Variants in GNA12 observed in about 807,000 individuals in gnomAD.
GNA12 encodes G protein subunit alpha 12, also known as guanine nucleotide-binding protein subunit alpha-12.
A neutral mutation model predicts 26.0 loss-of-function variants in GNA12; 9 were observed. The ratio of observed to expected loss-of-function variants is 0.35; its 90% confidence interval spans 0.21 to 0.60. The LOEUF is 0.60. GNA12 is among the 20% of genes least tolerant of loss of function. The pLI is 0.78. For missense variants in GNA12, 405 were observed against 525.8 expected (o/e 0.77, Z 2.25); for synonymous variants, 264 against 219.6 (o/e 1.20, Z -1.79).
chr7:2,809,464 T>A (rs1212652866), intron 1 of GNA12, among the ~76,000 whole-genome samples: 1 of 152,218 alleles, frequency 6.6e-6, no homozygotes, highest in Non-Finnish European at 1.5e-5. Flanking sequence ...TTCCACCCTA[T>A]GATGACTCAT....
At chr7:2,771,161 G>A (rs1419082557) in intron 2 of GNA12, among the ~76,000 whole-genome samples, 1 of 151,978 alleles carries the variant, frequency 6.6e-6, no homozygotes. Flanking sequence ...TGAGGTGGCA[G>A]GCACCTATAA....
intron 2 of GNA12, among the ~76,000 whole-genome samples, chr7:2,782,661 T>C (rs1792259257): frequency 1.3e-5 from 2 of 152,150 alleles, no homozygotes; most frequent in Admixed American, 1.3e-4. Context: ...GTTTTGGTTT[T>C]TTTTTTTTAA....
chr7:2,825,626 C>A (rs1005624106), intron 1 of GNA12, among the ~76,000 whole-genome samples: 7 of 152,170 alleles, frequency 4.6e-5, no homozygotes, highest in African/African-American at 1.7e-4. Flanking sequence ...GAGAAGGTAT[C>A]GAGCTGATGG....
intron 1 of GNA12, 131 bp from the exon 2 acceptor site, chr7:2,795,274 C>G (rs983326228): frequency 1.4e-6 from 1 of 694,936 alleles, no homozygotes; most frequent in African/African-American, 1.8e-5. Flanking sequence ...CAGCCTGAGT[C>G]TGTCTCTTGG....
At chr7:2,786,196 T>A (rs957316251) in intron 2 of GNA12, among the ~76,000 whole-genome samples, 1 of 152,222 alleles carries the variant, frequency 6.6e-6, no homozygotes, top group Non-Finnish European at 1.5e-5. Context: ...CCAATGCCAG[T>A]CTCCTGGTTT....
At chr7:2,799,349 G>A (rs1423203855) in intron 1 of GNA12, among the ~76,000 whole-genome samples, 3 of 152,182 alleles carry the variant, frequency 2.0e-5, no homozygotes, top group African/African-American at 7.2e-5. Context: ...TGAGGCTGAG[G>A]GGAGAGGATC....
intron 2 of GNA12, among the ~76,000 whole-genome samples, chr7:2,747,957 G>A (rs922393886): frequency 2.0e-4 from 30 of 151,550 alleles, no homozygotes; most frequent in Admixed American, 5.3e-4. Flanking sequence ...TACAAGGGAT[G>A]TGAAGGACCT....
At chr7:2,818,406 G>A (rs1395370010) in intron 1 of GNA12, among the ~76,000 whole-genome samples, 5 of 152,094 alleles carry the variant, frequency 3.3e-5, no homozygotes, top group Admixed American at 1.3e-4. Flanking sequence ...TCTCTCCAAC[G>A]GAGAACCACT....
At chr7:2,758,582 G>A (rs1791409795) in intron 2 of GNA12, among the ~76,000 whole-genome samples, 1 of 152,164 alleles carries the variant, frequency 6.6e-6, no homozygotes, top group Non-Finnish European at 1.5e-5. Context: ...TGATCTTGGT[G>A]GGCCTGATCT....
intron 1 of GNA12, among the ~76,000 whole-genome samples, chr7:2,843,278 G>A (rs1030300167): frequency 6.6e-5 from 10 of 152,104 alleles, no homozygotes; most frequent in African/African-American, 2.4e-4. Context: ...GGGGCTAAGT[G>A]CCAAGCCCCC....
At chr7:2,761,304 A>C (rs917158773) in intron 2 of GNA12, among the ~76,000 whole-genome samples, 3 of 152,190 alleles carry the variant, frequency 2.0e-5, no homozygotes, top group Admixed American at 2.0e-4. Context: ...CCACCACCCC[A>C]TGCTCACAGA....
intron 2 of GNA12, among the ~76,000 whole-genome samples, chr7:2,751,385 T>C (rs1377102307): frequency 1.4e-5 from 2 of 142,462 alleles, no homozygotes; most frequent in Non-Finnish European, 1.5e-5. Context: ...AGCAAGACCG[T>C]TTCAAAGAAA....
chr7:2,772,638 T>C (rs112963585), intron 2 of GNA12, among the ~76,000 whole-genome samples: 278 of 151,912 alleles, frequency 1.8e-3, no homozygotes, highest in African/African-American at 6.3e-3. Flanking sequence ...AAAACATCAA[T>C]TGATACCCAC....
chr7:2,766,264 CTGT>C (rs1161967354), intron 2 of GNA12, among the ~76,000 whole-genome samples: 5 of 152,170 alleles, frequency 3.3e-5, no homozygotes, highest in African/African-American at 1.2e-4. Flanking sequence ...AGGTTCATCT[CTGT>C]TGTAGCTAGT....
chr7:2,729,401 G>A lies in GNA12; in HGVS notation c.*1780C>T, dbSNP rs939711299. ...CGGTCACATCCGTGAGGTCTGTGAA[G>A]AGCCACAGAAGCAGTACAAAAACAG... On this transcript the variant is annotated 3_prime_UTR_variant, in exon 4 of 4. Transcript: ENST00000275364. The A allele has an allele frequency of 3.3e-5, 5 of 152,384 alleles. No individual in the cohort carries two copies. The highest frequency in any genetic ancestry group is 1.2e-4 in the African/African-American group (5 of 41,460). The allele number at this position is 152,384 out of a possible 1,614,324, so 9.4% of individuals were successfully genotyped here. A position where few individuals can be genotyped will look rare whatever the true frequency, so the allele number is the denominator to read the frequency against.
intron 1 of GNA12, among the ~76,000 whole-genome samples, chr7:2,832,422 G>C (rs1778702271): frequency 6.6e-6 from 1 of 152,182 alleles, no homozygotes; most frequent in Non-Finnish European, 1.5e-5. Context: ...GTTGAGACCA[G>C]GCAACCTCCA....
chr7:2,745,336 C>T lies in GNA12; in HGVS notation c.526-11835G>A, dbSNP rs528217701. ...AGCTGATCTCTTGGCAGAAACTCTG[C>T]AAGCCAGAAGAGAGTGGGGGCCAAT... is the stretch of plus-strand genomic sequence containing the variant. On this transcript the variant is annotated intron_variant, in intron 2 of 3. Coordinates refer to ENST00000275364, the MANE Select transcript of GNA12 (RefSeq NM_007353.3). Among the ~76,000 whole-genome samples the T allele has an allele frequency of 9.8e-5, 15 of 152,354 alleles. No individual in the cohort carries two copies. The East Asian group carries it at 2.9e-3, about 29-fold the overall frequency.
At chr7:2,812,272 C>T (rs1289320747) in intron 1 of GNA12, among the ~76,000 whole-genome samples, 1 of 152,226 alleles carries the variant, frequency 6.6e-6, no homozygotes, top group African/African-American at 2.4e-5. Context: ...TCTTGGCTTG[C>T]TTTTCCTTCT....
At chr7:2,806,457 C>CAAAAAAAAAAAA (rs34036056) in intron 1 of GNA12, among the ~76,000 whole-genome samples, 80 of 80,676 alleles carry the variant, frequency 9.9e-4, no homozygotes, top group Non-Finnish European at 1.3e-3. Flanking sequence ...GACTCTGTCT[C>CAAAAAAAAAAAA]AAAAAAAAAA....
Sources: allele counts gnomAD v4.1 joint callset (sites outside exome capture counted in the v4.1 genomes callset), GRCh38; gene constraint gnomAD v4.1.1; transcripts MANE v1.5; gene names NCBI Gene and HGNC (gene_info 2026-07-23, HGNC 2026-07-21).